AGBL1: variants seen among roughly 807,000 people sequenced by gnomAD.
AGBL1 encodes cytosolic carboxypeptidase 4.
A neutral mutation model predicts 118.9 loss-of-function variants in AGBL1; 130 were observed. That is an observed-to-expected ratio of 1.09 (90% CI 0.95 to 1.26). AGBL1 has a LOEUF of 1.26. AGBL1 is among the 50% of genes most tolerant of loss of function. The pLI, the probability that AGBL1 is intolerant of heterozygous loss-of-function variation, is 0.00. For missense variants in AGBL1, 1,584 were observed against 1,298.1 expected (o/e 1.22, Z -3.38); for synonymous variants, 555 against 478.9 (o/e 1.16, Z -2.08).
At chr15:86,107,591 T>C (rs1897125966) in intron 1 of AGBL1, 1 of 152,212 alleles carries the variant, frequency 6.6e-6, no homozygotes, top group Non-Finnish European at 1.5e-5. Context: ...TCTACCAAAA[T>C]GTTGAGCTTT....
chr15:86,964,031 C>CTCTGTGTGTGTG (rs1183866210), intron 23 of AGBL1, among the ~76,000 whole-genome samples: 1 of 146,204 alleles, frequency 6.8e-6, no homozygotes, highest in African/African-American at 2.6e-5. Flanking sequence ...CTCTCTCTCT[C>CTCTGTGTGTGTG]TGTGTGTGTG....
chr15:86,916,832 A>C (rs1192780611), downstream of AGBL1, among the ~76,000 whole-genome samples: 1 of 152,196 alleles, frequency 6.6e-6, no homozygotes, highest in Non-Finnish European at 1.5e-5. Flanking sequence ...GGTGGCTCAC[A>C]CTAGCGTTCT....
intron 22 of AGBL1, among the ~76,000 whole-genome samples, chr15:86,800,098 A>G (rs932991686): frequency 6.6e-6 from 1 of 152,106 alleles, no homozygotes; most frequent in East Asian, 1.9e-4. Context: ...ACTAATAAGT[A>G]ATGGCCACTT....
chr15:86,709,593 T>A (rs2086517859), intron 22 of AGBL1, among the ~76,000 whole-genome samples: 1 of 152,172 alleles, frequency 6.6e-6, no homozygotes, highest in African/African-American at 2.4e-5. Flanking sequence ...CATAATGATA[T>A]CGCTGCTATG....
chr15:86,184,429 C>CT (rs199807402), intron 5 of AGBL1, among the ~76,000 whole-genome samples: 1,995 of 144,384 alleles, frequency 0.014, 36 homozygotes, highest in African/African-American at 0.047. Flanking sequence ...TTTCTTTTTT[C>CT]TTTCTTTTTT....
intron 7 of AGBL1, among the ~76,000 whole-genome samples, chr15:86,254,018 G>T (rs2078857317): frequency 6.6e-6 from 1 of 152,220 alleles, no homozygotes; most frequent in South Asian, 2.1e-4. Flanking sequence ...GTAGGCAGGA[G>T]ATGTTCGTGG....
intron 18 of AGBL1, among the ~76,000 whole-genome samples, chr15:86,453,963 G>A (rs1443143103): frequency 1.3e-5 from 2 of 152,168 alleles, no homozygotes; most frequent in East Asian, 3.9e-4. Context: ...GTCACTGACA[G>A]ACATAATTTG....
intron 5 of AGBL1, among the ~76,000 whole-genome samples, chr15:86,201,632 C>T (rs1462073142): frequency 6.6e-6 from 1 of 152,182 alleles, no homozygotes; most frequent in Non-Finnish European, 1.5e-5. Context: ...CTAGCATTTA[C>T]CTCTACCTCA....
At chr15:86,546,206 C>A in intron 20 of AGBL1, 73 bp downstream of exon 20, 2 of 1,401,002 alleles carry the variant, frequency 1.4e-6, no homozygotes, top group East Asian at 2.4e-5. Flanking sequence ...AGACCATGCC[C>A]CACTCATTTA....
intron 23 of AGBL1, among the ~76,000 whole-genome samples, chr15:86,959,873 T>A (rs1271061327): frequency 6.6e-6 from 1 of 152,064 alleles, no homozygotes; most frequent in African/African-American, 2.4e-5. Flanking sequence ...AACAAGTGGA[T>A]CATTGATTGG....
At chr15:86,148,343 G>C (rs1476950108) in intron 3 of AGBL1, among the ~76,000 whole-genome samples, 2 of 152,120 alleles carry the variant, frequency 1.3e-5, no homozygotes, top group African/African-American at 2.4e-5. Flanking sequence ...AGGTAAAGAA[G>C]GATGTTCGAA....
intron 17 of AGBL1, among the ~76,000 whole-genome samples, chr15:86,328,822 C>T (rs1249310671): frequency 6.6e-6 from 1 of 152,182 alleles, no homozygotes; most frequent in Non-Finnish European, 1.5e-5. Context: ...GAGGGAAAGA[C>T]ACTGGGAAAC....
intron 5 of AGBL1, among the ~76,000 whole-genome samples, chr15:86,220,302 G>A (rs751038363): frequency 2.0e-5 from 3 of 152,052 alleles, no homozygotes; most frequent in Non-Finnish European, 4.4e-5. Context: ...TTTAACCTTT[G>A]TGAACTTCAT....
rs57557194 is a variant in AGBL1 at position 86,525,323 on chromosome 15, C to A, written c.2685+2384C>A. Reference sequence around the variant, plus strand: ...ATATTTTGAAAATCACCATATTTCCCAAAGTGATCTACAGATTTAATGCAA... The same window carrying A: ...ATATTTTGAAAATCACCATATTTCCAAAAGTGATCTACAGATTTAATGCAA... On this transcript the variant is annotated intron_variant, in intron 19 of 22. Transcript: ENST00000614907. Among the ~76,000 whole-genome samples, 205 of 152,142 alleles carry A rather than the reference C, an allele frequency of 1.3e-3. 1 individual carries two copies. The highest frequency in any genetic ancestry group is 4.6e-3 in the African/African-American group (193 of 41,520).
intron 17 of AGBL1, among the ~76,000 whole-genome samples, chr15:86,369,390 G>C (rs1318487819): frequency 6.6e-6 from 1 of 152,044 alleles, no homozygotes; most frequent in Admixed American, 6.5e-5. Flanking sequence ...ATGGTTATAG[G>C]CTAAAGAAAA....
intron 5 of AGBL1, among the ~76,000 whole-genome samples, chr15:86,195,211 A>T (rs62013765): frequency 0.01 from 1,568 of 152,300 alleles, 17 homozygotes; most frequent in Non-Finnish European, 0.017. Context: ...ACAGATGTTA[A>T]TCATAACATC....
intron 17 of AGBL1, among the ~76,000 whole-genome samples, chr15:86,360,675 T>C (rs2080792481): frequency 6.6e-6 from 1 of 152,038 alleles, no homozygotes; most frequent in African/African-American, 2.4e-5. Flanking sequence ...TCCAGTTCTT[T>C]CCTTTTTGGT....
chr15:86,982,266 A>G (rs2081238593), intron 23 of AGBL1, among the ~76,000 whole-genome samples: 1 of 152,200 alleles, frequency 6.6e-6, no homozygotes, highest in Non-Finnish European at 1.5e-5. Context: ...CAATTTCATT[A>G]AGCAGAGAAC....
At chr15:86,326,754 G>A (rs945264047) in intron 17 of AGBL1, among the ~76,000 whole-genome samples, 1 of 152,050 alleles carries the variant, frequency 6.6e-6, no homozygotes, top group Non-Finnish European at 1.5e-5. Flanking sequence ...TCTGTCTGGA[G>A]CAGAAGCCAT....
Sources: allele counts gnomAD v4.1 joint callset (sites outside exome capture counted in the v4.1 genomes callset), GRCh38; gene constraint gnomAD v4.1.1; transcripts MANE v1.5; gene names NCBI Gene and HGNC (gene_info 2026-07-23, HGNC 2026-07-21).